Variants in GPM6A observed in about 807,000 individuals in gnomAD.
GPM6A encodes the protein glycoprotein M6A.
A neutral mutation model predicts 32.1 loss-of-function variants in GPM6A; 7 were observed. The ratio of observed to expected loss-of-function variants is 0.22; its 90% CI spans 0.12 to 0.41. GPM6A has a LOEUF of 0.41. Among genes scored for constraint, GPM6A ranks in the 10% least tolerant of loss-of-function variants. GPM6A has a pLI of 1.00. For missense variants in GPM6A, 235 were observed against 347.2 expected (o/e 0.68, Z 2.57); for synonymous variants, 130 against 123.4 (o/e 1.05, Z -0.35).
At chr4:175,987,348 A>G (rs913777547) in intron 1 of GPM6A, among the ~76,000 whole-genome samples, 5 of 152,180 alleles carry the variant, frequency 3.3e-5, no homozygotes, top group Non-Finnish European at 5.9e-5. Flanking sequence ...TTAAATGATC[A>G]GCTTATTCCT....
chr4:175,680,711 T>C (rs939520091), intron 2 of GPM6A, among the ~76,000 whole-genome samples: 1 of 152,200 alleles, frequency 6.6e-6, no homozygotes, highest in Non-Finnish European at 1.5e-5. Flanking sequence ...GTCCGTCCTG[T>C]TCCTTGTAGG....
At chr4:175,864,022 T>A (rs1399935405) in intron 1 of GPM6A, among the ~76,000 whole-genome samples, 1 of 151,542 alleles carries the variant, frequency 6.6e-6, no homozygotes, top group Admixed American at 6.6e-5. Context: ...GAAAAAAAAA[T>A]TCCATTTTAT....
chr4:175,720,270 C>T (rs1746047928), intron 1 of GPM6A, among the ~76,000 whole-genome samples: 1 of 152,160 alleles, frequency 6.6e-6, no homozygotes, highest in Non-Finnish European at 1.5e-5. Flanking sequence ...TAAGAGGGCT[C>T]AGCCTACATA....
chr4:175,874,267 T>C (rs968137717), intron 1 of GPM6A, among the ~76,000 whole-genome samples: 1 of 152,028 alleles, frequency 6.6e-6, no homozygotes, highest in Non-Finnish European at 1.5e-5. Context: ...ATGTAATTTG[T>C]TAGAGAAAGA....
chr4:175,671,438 A>G (rs962664073), intron 3 of GPM6A, among the ~76,000 whole-genome samples: 2 of 146,092 alleles, frequency 1.4e-5, no homozygotes, highest in South Asian at 2.2e-4. Context: ...CACTTTGAAC[A>G]TAATAAAGTA....
chr4:175,839,169 T>C (rs1293524094), intron 1 of GPM6A, among the ~76,000 whole-genome samples: 1 of 152,162 alleles, frequency 6.6e-6, no homozygotes, highest in Non-Finnish European at 1.5e-5. Flanking sequence ...GACAGCCATT[T>C]TGAAAAAGAA....
rs1304049203 is a variant in GPM6A at position 175,880,973 on chromosome 4, G to A, written c.-22-68724C>T. Among the ~76,000 whole-genome samples the A allele has an allele frequency of 4.6e-5, 7 of 152,028 alleles. No homozygotes were observed. The Middle Eastern group carries it at 0.01, about 222-fold the overall frequency. ...ATCCCCGTCTTGTGCCAGTGGCAAC[G>A]AAAGCCAAAACTGACAAATGGGATC... is the stretch of plus-strand genomic sequence containing the variant. On this transcript the variant is annotated intron_variant, in intron 1 of 7. Coordinates refer to the GPM6A transcript ENST00000280187.
chr4:175,968,848 A>G (rs928709777), intron 1 of GPM6A, among the ~76,000 whole-genome samples: 1 of 152,226 alleles, frequency 6.6e-6, no homozygotes, highest in African/African-American at 2.4e-5. Context: ...GCAAAATGGT[A>G]CAGCCATTTT....
intron 6 of GPM6A, 60 bp from the exon 7 acceptor site, chr4:175,635,117 G>T: frequency 7.8e-7 from 1 of 1,286,410 alleles, no homozygotes; most frequent in East Asian, 2.4e-5. Flanking sequence ...ATTACACCTT[G>T]CTATCTCGAA....
chr4:175,982,895 T>A lies in GPM6A; in HGVS notation c.-23+19414A>T, dbSNP rs531369453. Reference sequence around the variant, plus strand: ...GTATCTTTCTATTTAGGTCTTTGTTTTCTTTCATGGCTATTTTGTATTTTT... The same window carrying A: ...GTATCTTTCTATTTAGGTCTTTGTTATCTTTCATGGCTATTTTGTATTTTT... On this transcript the variant is annotated intron_variant, in intron 1 of 7. Transcript: ENST00000280187. Among the ~76,000 whole-genome samples, 4 of 152,312 alleles carry A rather than the reference T, an allele frequency of 2.6e-5. No homozygotes were observed. The South Asian group carries it at 8.3e-4, about 32-fold the overall frequency.
chr4:175,759,495 CT>C (rs778811269), intron 1 of GPM6A, among the ~76,000 whole-genome samples: 1 of 151,956 alleles, frequency 6.6e-6, no homozygotes, highest in Non-Finnish European at 1.5e-5. Context: ...TTTCCTTTTC[CT>C]TAAAAAAGAC....
At chr4:175,667,304 A>G (rs760736165) in intron 3 of GPM6A, among the ~76,000 whole-genome samples, 4 of 152,176 alleles carry the variant, frequency 2.6e-5, no homozygotes, top group African/African-American at 4.8e-5. Context: ...CTTCCTCCTC[A>G]TAACTCAAAA....
intron 1 of GPM6A, among the ~76,000 whole-genome samples, chr4:175,809,668 C>T (rs773120216): frequency 2.0e-5 from 3 of 152,128 alleles, no homozygotes; most frequent in Non-Finnish European, 4.4e-5. Flanking sequence ...TCTGACTGAA[C>T]ACATATGCTT....
At chr4:175,650,190 A>G (rs1741701471) in intron 4 of GPM6A, among the ~76,000 whole-genome samples, 1 of 152,122 alleles carries the variant, frequency 6.6e-6, no homozygotes. Flanking sequence ...TATGAGTACT[A>G]TTATTATGTG....
intron 1 of GPM6A, among the ~76,000 whole-genome samples, chr4:175,883,140 T>C (rs1737335468): frequency 6.6e-6 from 1 of 152,084 alleles, no homozygotes; most frequent in Non-Finnish European, 1.5e-5. Context: ...TACTTCTTGA[T>C]GGAAGTAAGC....
chr4:175,956,308 A>G (rs1163467704), intron 1 of GPM6A, among the ~76,000 whole-genome samples: 1 of 152,158 alleles, frequency 6.6e-6, no homozygotes, highest in African/African-American at 2.4e-5. Flanking sequence ...ATAATTTTTG[A>G]GCCATCAATA....
rs192750884 is a variant in GPM6A at position 175,633,723 on chromosome 4, A to G, written c.*1182T>C. 66 of 152,642 alleles carry G rather than the reference A, an allele frequency of 4.3e-4. No homozygotes were observed. The highest frequency in any genetic ancestry group is 3.7e-3 in the Admixed American group (57 of 15,278). The allele number at this position is 152,642 out of a possible 1,614,324, so 9.5% of individuals were successfully genotyped here. ...CAGGTACTTTTTATAAATGAATATG[A>G]ATGAACATTCGGTTAAAATGACTTA... On this transcript the variant is annotated 3_prime_UTR_variant, in exon 7 of 7. Transcript: ENST00000393658.
At chr4:175,837,578 T>C (rs113427155) in intron 1 of GPM6A, among the ~76,000 whole-genome samples, 7 of 152,186 alleles carry the variant, frequency 4.6e-5, no homozygotes, top group African/African-American at 1.7e-4. Context: ...ACCATACTGA[T>C]AGAATTTCCT....
chr4:175,794,756 C>T (rs1734150770), intron 1 of GPM6A, among the ~76,000 whole-genome samples: 1 of 152,076 alleles, frequency 6.6e-6, no homozygotes, highest in Admixed American at 6.6e-5. Flanking sequence ...GGCCTGTACA[C>T]ATCACGTGAG....
Sources: gnomAD v4.1 joint callset for allele counts (sites outside exome capture counted in the v4.1 genomes callset) on GRCh38, gnomAD v4.1.1 for gene constraint, MANE v1.5 for transcripts, NCBI Gene and HGNC (gene_info 2026-07-23, HGNC 2026-07-21) for gene names.